The following RAB3C variants were observed in gnomAD, a reference collection of about 807,000 sequenced individuals.
RAB3C encodes RAB3C, member RAS oncogene family.
A neutral mutation model predicts 26.4 loss-of-function variants in RAB3C; 17 were observed. The observed-to-expected ratio is 0.64, with a 90% CI of 0.44 to 0.97. The LOEUF (loss-of-function observed/expected upper bound fraction) is 0.97. Ranked by LOEUF, RAB3C falls within the 50% of genes least tolerant of loss-of-function variation. RAB3C has a pLI of 0.00. For missense variants in RAB3C, 242 were observed against 281.9 expected, an observed-to-expected ratio of 0.86 and a Z score of 1.01; for synonymous variants, 91 against 95.9, an observed-to-expected ratio of 0.95 and a Z score of 0.30.
At chr5:58,651,107 T>A (rs997680933) in intron 2 of RAB3C, among the ~76,000 whole-genome samples, 2 of 152,174 alleles carry the variant, frequency 1.3e-5, no homozygotes, top group African/African-American at 4.8e-5. Flanking sequence ...CTATTTAAAA[T>A]CAGGTTGTTT....
intron 3 of RAB3C, among the ~76,000 whole-genome samples, chr5:58,737,327 C>T (rs1741161854): frequency 6.8e-6 from 1 of 146,548 alleles, no homozygotes; most frequent in Non-Finnish European, 1.5e-5. Flanking sequence ...ATATTGCAAC[C>T]TTCTGCAGTC....
At chr5:58,643,966 A>G (rs1876689) in intron 2 of RAB3C, among the ~76,000 whole-genome samples, 71,480 of 151,672 alleles carry the variant, frequency 0.47, 17,251 homozygotes, top group East Asian at 0.67. Context: ...GATTACAGGC[A>G]CCTGCCATGA....
intron 3 of RAB3C, among the ~76,000 whole-genome samples, chr5:58,771,917 C>A (rs1742038419): frequency 6.7e-6 from 1 of 149,794 alleles, no homozygotes; most frequent in Non-Finnish European, 1.5e-5. Context: ...CAAGGCTAAG[C>A]ACTACAATCT....
At chr5:58,849,404 G>A (rs1275319763) in intron 4 of RAB3C, among the ~76,000 whole-genome samples, 1 of 152,118 alleles carries the variant, frequency 6.6e-6, no homozygotes. Context: ...TAGCAACAAG[G>A]ATCTTGCTTA....
intron 2 of RAB3C, among the ~76,000 whole-genome samples, chr5:58,702,512 C>A (rs968999426): frequency 6.6e-6 from 1 of 152,146 alleles, no homozygotes; most frequent in Admixed American, 6.6e-5. Context: ...CTACGTCTTG[C>A]CAGCCTCCCG....
intron 3 of RAB3C, among the ~76,000 whole-genome samples, chr5:58,749,684 T>C (rs1480106408): frequency 6.6e-6 from 1 of 152,192 alleles, no homozygotes; most frequent in Non-Finnish European, 1.5e-5. Context: ...AATGTAATGG[T>C]TTGTCATATT....
intron 3 of RAB3C, chr5:58,823,864 T>C (rs1743408958): frequency 1.4e-5 from 2 of 145,170 alleles, no homozygotes; most frequent in Non-Finnish European, 3.0e-5. Flanking sequence ...CTCCTAATGC[T>C]ATCCCTCCCC....
rs138262904 is a variant in RAB3C, at chr5:58,754,911, A to T, written c.371+28791A>T. 3.5e-3 allele frequency among the ~76,000 whole-genome samples: 531 copies of T among 152,126 alleles called. 1 individual carries two copies. Among genetic ancestry groups the T allele is most frequent in the African/African-American group, 0.012 (488 of 41,476 alleles). ...TTTTTTTTTTCTTCTGCACAAATCA[A>T]TAAAGCCTTTTCTGTCAGCCCCAGG... is the stretch of plus-strand genomic sequence containing the variant. On this transcript the variant is annotated intron_variant, in intron 3 of 4. Coordinates refer to ENST00000282878, the MANE Select transcript of RAB3C (RefSeq NM_138453.4).
intron 4 of RAB3C, among the ~76,000 whole-genome samples, chr5:58,837,893 AATTC>A (rs999674474): frequency 2.0e-5 from 3 of 152,272 alleles, no homozygotes; most frequent in African/African-American, 7.2e-5. Context: ...TGTGTGCAGG[AATTC>A]ATTCATTTCC....
chr5:58,831,966 T>G (rs576750144), intron 4 of RAB3C, among the ~76,000 whole-genome samples: 4 of 152,216 alleles, frequency 2.6e-5, no homozygotes, highest in Non-Finnish European at 5.9e-5. Context: ...GACAACAGTA[T>G]GTTTTTTAAG....
At chr5:58,617,206 A>T (rs564796887) in intron 1 of RAB3C, among the ~76,000 whole-genome samples, 64 of 152,264 alleles carry the variant, frequency 4.2e-4, no homozygotes, top group African/African-American at 1.4e-3. Flanking sequence ...GTGCTTCCCT[A>T]TGAAATAAGA....
At chr5:58,734,976 A>G (rs190929038) in intron 3 of RAB3C, among the ~76,000 whole-genome samples, 3 of 152,324 alleles carry the variant, frequency 2.0e-5, no homozygotes, top group Admixed American at 1.3e-4. Flanking sequence ...CTGAGTTTCT[A>G]CAGAAATATA....
intron 1 of RAB3C, among the ~76,000 whole-genome samples, chr5:58,592,763 G>A (rs1269823743): frequency 1.3e-5 from 2 of 151,944 alleles, no homozygotes; most frequent in African/African-American, 4.8e-5. Context: ...TATAATGTGA[G>A]TTCAGCTGTT....
At chr5:58,606,252 G>C (rs2111696879) in intron 1 of RAB3C, among the ~76,000 whole-genome samples, 1 of 152,356 alleles carries the variant, frequency 6.6e-6, no homozygotes, top group African/African-American at 2.4e-5. Context: ...TCTCTCCTGT[G>C]TGTGGCTTGG....
At chr5:58,723,992 A>T (rs1431135873) in intron 2 of RAB3C, among the ~76,000 whole-genome samples, 1 of 151,838 alleles carries the variant, frequency 6.6e-6, no homozygotes, top group East Asian at 1.9e-4. Context: ...TGAGTTGAGG[A>T]ACAATTACTC....
intron 2 of RAB3C, chr5:58,647,564 A>G (rs552996240): frequency 5.3e-5 from 8 of 152,306 alleles, no homozygotes; most frequent in Non-Finnish European, 8.8e-5. Flanking sequence ...CAGCCAAACC[A>G]TATCAGATAC....
At chr5:58,747,989 C>T (rs1489757391) in intron 3 of RAB3C, among the ~76,000 whole-genome samples, 1 of 152,040 alleles carries the variant, frequency 6.6e-6, no homozygotes, top group Non-Finnish European at 1.5e-5. Context: ...TATGCTGTTG[C>T]TGCAGGTGGC....
chr5:58,756,200 A>G (rs1465418124), intron 3 of RAB3C, among the ~76,000 whole-genome samples: 2 of 150,718 alleles, frequency 1.3e-5, no homozygotes, highest in Admixed American at 1.3e-4. Context: ...ACACATAATT[A>G]TATACTTAAT....
chr5:58,778,628 C>G (rs1169303612), intron 3 of RAB3C, among the ~76,000 whole-genome samples: 2 of 152,122 alleles, frequency 1.3e-5, no homozygotes, highest in African/African-American at 4.8e-5. Flanking sequence ...GGAATGAGCC[C>G]ATCATTGAAT....
Sources: allele counts gnomAD v4.1 joint callset (sites outside exome capture counted in the v4.1 genomes callset), GRCh38; gene constraint gnomAD v4.1.1; transcripts MANE v1.5; gene names NCBI Gene and HGNC (gene_info 2026-07-23, HGNC 2026-07-21).